Variants in ABCC4 observed in about 807,000 individuals in gnomAD.
The protein encoded by ABCC4 is ATP-binding cassette sub-family C member 4.
Under a neutral mutation model 168.5 loss-of-function variants are expected in ABCC4, and 102 were observed. The observed-to-expected ratio is 0.61, with a 90% CI of 0.52 to 0.71. The LOEUF (loss-of-function observed/expected upper bound fraction) is 0.71, where lower values mean the gene tolerates loss of function less well. Among genes scored for constraint, ABCC4 ranks in the 30% least tolerant of loss-of-function variants. The probability of loss-of-function intolerance (pLI) is 0.00; values close to 1 mark genes in which losing one functional copy is unlikely to be tolerated. For missense variants in ABCC4, 1,402 were observed against 1,605.8 expected (o/e 0.87, Z 2.17); for synonymous variants, 617 against 590.7 (o/e 1.04, Z -0.65).
At chr13:95,027,134 C>T (rs2031588433) in intron 30 of ABCC4, among the ~76,000 whole-genome samples, 1 of 152,096 alleles carries the variant, frequency 6.6e-6, no homozygotes, top group Admixed American at 6.5e-5. Flanking sequence ...TAAATGTGTG[C>T]CATGGTACAG....
chr13:95,196,366 T>C (rs993555208), intron 8 of ABCC4, among the ~76,000 whole-genome samples: 1 of 152,014 alleles, frequency 6.6e-6, no homozygotes, highest in African/African-American at 2.4e-5. Flanking sequence ...CAACAGAAAG[T>C]GACAACGTCC....
At chr13:95,280,952 T>C (rs1008464757) in intron 1 of ABCC4, among the ~76,000 whole-genome samples, 3 of 152,134 alleles carry the variant, frequency 2.0e-5, no homozygotes, top group Admixed American at 1.3e-4. Context: ...GACTACATTA[T>C]ATTTTAAAGG....
intron 1 of ABCC4, among the ~76,000 whole-genome samples, chr13:95,291,854 C>A (rs140702478): frequency 6.6e-6 from 1 of 151,588 alleles, no homozygotes; most frequent in Non-Finnish European, 1.5e-5. Flanking sequence ...GGCTGAGGCA[C>A]GAGAATTGCT....
intron 1 of ABCC4, among the ~76,000 whole-genome samples, chr13:95,284,510 GACTAGGTCAGGT>G (rs2041210863): frequency 6.6e-6 from 1 of 152,162 alleles, no homozygotes; most frequent in African/African-American, 2.4e-5. Context: ...TTTGTGCCAG[GACTAGGTCAGGT>G]ACTTGGGACA....
intron 19 of ABCC4, among the ~76,000 whole-genome samples, chr13:95,145,385 G>A (rs1317496829): frequency 6.6e-6 from 1 of 151,802 alleles, no homozygotes; most frequent in African/African-American, 2.4e-5. Context: ...GGGAGGCTGA[G>A]GCAGGCAGAT....
At chr13:95,073,126 A>G in intron 24 of ABCC4, 78 bp downstream of exon 24, 1 of 1,175,876 alleles carries the variant, frequency 8.5e-7, no homozygotes, top group African/African-American at 1.5e-5. Flanking sequence ...CAGTTTTAAT[A>G]TTTCACATAA....
intron 20 of ABCC4, among the ~76,000 whole-genome samples, chr13:95,089,293 C>A (rs1473864202): frequency 6.6e-6 from 1 of 152,028 alleles, no homozygotes; most frequent in Non-Finnish European, 1.5e-5. Flanking sequence ...GATATAAAAA[C>A]CAAAGAAAGG....
chr13:95,115,630 A>C (rs979500021), intron 20 of ABCC4, among the ~76,000 whole-genome samples: 1 of 152,176 alleles, frequency 6.6e-6, no homozygotes, highest in Non-Finnish European at 1.5e-5. Context: ...ACAGTAAAGC[A>C]AAATCCACGC....
At chr13:95,201,047 T>G (rs1407425028) in intron 8 of ABCC4, among the ~76,000 whole-genome samples, 3 of 152,200 alleles carry the variant, frequency 2.0e-5, no homozygotes, top group African/African-American at 7.2e-5. Flanking sequence ...AAATCACTAC[T>G]GCTGAACTCT....
intron 30 of ABCC4, among the ~76,000 whole-genome samples, chr13:95,025,292 CACCCACATA>C (rs2031421353): frequency 1.6e-5 from 1 of 61,990 alleles, no homozygotes; most frequent in African/African-American, 8.9e-5. Context: ...CCCCCACACA[CACCCACATA>C]CGCCCACCCC....
chr13:95,076,080 A>T (rs2033891436), intron 21 of ABCC4, among the ~76,000 whole-genome samples: 1 of 152,112 alleles, frequency 6.6e-6, no homozygotes, highest in African/African-American at 2.4e-5. Context: ...GTACTCAGTA[A>T]GTGAGCTGAA....
chr13:95,217,710 C>T (rs1434074698), intron 4 of ABCC4, among the ~76,000 whole-genome samples: 1 of 151,658 alleles, frequency 6.6e-6, no homozygotes, highest in Non-Finnish European at 1.5e-5. Flanking sequence ...GCCAGGGTGA[C>T]AGTGAGACTC....
At chr13:95,152,307 T>A (rs924306921) in intron 19 of ABCC4, among the ~76,000 whole-genome samples, 1 of 152,212 alleles carries the variant, frequency 6.6e-6, no homozygotes, top group Non-Finnish European at 1.5e-5. Flanking sequence ...AACACTCTAA[T>A]TTTATTTCAA....
chr13:95,073,816 T>C (rs912632993), intron 23 of ABCC4, among the ~76,000 whole-genome samples: 2 of 152,162 alleles, frequency 1.3e-5, no homozygotes, highest in African/African-American at 2.4e-5. Context: ...TTGAAGATAA[T>C]ACTCTCCTGC....
chr13:95,170,450 G>A (rs2037427344), intron 14 of ABCC4, 82 bp downstream of exon 14: 1 of 774,904 alleles, frequency 1.3e-6, no homozygotes, highest in East Asian at 2.7e-5. Flanking sequence ...TGAGAAGAAA[G>A]GAACATGAAA....
intron 1 of ABCC4, among the ~76,000 whole-genome samples, chr13:95,273,977 T>G (rs113338670): frequency 5.3e-5 from 8 of 152,296 alleles, no homozygotes; most frequent in African/African-American, 1.9e-4. Flanking sequence ...CTTTGCCTGC[T>G]GCCATCCACG....
intron 1 of ABCC4, among the ~76,000 whole-genome samples, chr13:95,255,965 C>T (rs538042799): frequency 5.3e-5 from 8 of 152,292 alleles, no homozygotes; most frequent in Non-Finnish European, 7.3e-5. Flanking sequence ...CTTTCCCACA[C>T]GACAACCAGT....
intron 1 of ABCC4, chr13:95,269,434 A>ATAT (rs1555339626): frequency 1.7e-5 from 2 of 118,190 alleles, no homozygotes; most frequent in African/African-American, 1.1e-4. Context: ...TCAAAAAAAA[A>ATAT]ATATATATAT....
At chr13:95,040,733 G>A (rs1428392734) in intron 29 of ABCC4, among the ~76,000 whole-genome samples, 2 of 152,180 alleles carry the variant, frequency 1.3e-5, no homozygotes, top group Non-Finnish European at 1.5e-5. Context: ...TTTGAGTTGT[G>A]TTTCTCCAGC....
Sources: gnomAD v4.1 joint callset for allele counts (sites outside exome capture counted in the v4.1 genomes callset) on GRCh38, gnomAD v4.1.1 for gene constraint, MANE v1.5 for transcripts, NCBI Gene and HGNC (gene_info 2026-07-23, HGNC 2026-07-21) for gene names.